CACNA1A: variants seen among roughly 807,000 people sequenced by gnomAD.
The protein encoded by CACNA1A is calcium voltage-gated channel subunit alpha1 A.
Under a neutral mutation model 262.4 loss-of-function variants are expected in CACNA1A, and 57 were observed. That is an observed-to-expected ratio of 0.22 (90% CI 0.18 to 0.27). CACNA1A has a LOEUF of 0.27. Ranked by LOEUF, CACNA1A falls within the 10% of genes least tolerant of loss-of-function variation. The probability of loss-of-function intolerance (pLI) is 1.00; values close to 1 mark genes in which losing one functional copy is unlikely to be tolerated. For missense variants in CACNA1A, 2,526 were observed against 3,562.8 expected, an observed-to-expected ratio of 0.71 and a Z score of 7.41; for synonymous variants, 1,431 against 1,419.3, an observed-to-expected ratio of 1.01 and a Z score of -0.18.
intron 3 of CACNA1A, among the ~76,000 whole-genome samples, chr19:13,383,104 T>G (rs1470332731): frequency 6.6e-6 from 1 of 152,178 alleles, no homozygotes; most frequent in Non-Finnish European, 1.5e-5. Flanking sequence ...CGGAGTGATG[T>G]TCATTCATTT....
chr19:13,433,330 G>A (rs146464460), intron 3 of CACNA1A, among the ~76,000 whole-genome samples: 4 of 150,856 alleles, frequency 2.7e-5, no homozygotes, highest in Non-Finnish European at 5.9e-5. Context: ...GCATCATGGC[G>A]TGTGCCCATA....
intron 19 of CACNA1A, among the ~76,000 whole-genome samples, chr19:13,296,917 ATC>A (rs951117150): frequency 7.3e-5 from 11 of 150,928 alleles, no homozygotes; most frequent in Non-Finnish European, 1.6e-4. Context: ...ATGCCACCAC[ATC>A]TGTTTAATTT....
intron 1 of CACNA1A, 86 bp downstream of exon 1, chr19:13,505,846 C>T: frequency 1.4e-6 from 2 of 1,414,002 alleles, no homozygotes; most frequent in Non-Finnish European, 2.0e-6. Context: ...CCATCAACCC[C>T]CGGGTCTCTC....
At chr19:13,364,826 A>C (rs1260677137) in intron 5 of CACNA1A, 4 of 152,344 alleles carry the variant, frequency 2.6e-5, no homozygotes, top group African/African-American at 7.2e-5. Flanking sequence ...TTTTTAGTAC[A>C]GATGGGGTTT....
chr19:13,463,047 C>A (rs1411264727), intron 1 of CACNA1A, among the ~76,000 whole-genome samples: 3 of 151,948 alleles, frequency 2.0e-5, no homozygotes, highest in African/African-American at 7.3e-5. Flanking sequence ...AGGTATGAGC[C>A]ACTGTGCCCA....
Position 13,286,702 on chromosome 19 carries a change from G to C in CACNA1A, c.3354C>G (p.Asn1118Lys). The C allele has an allele frequency of 6.3e-7, 1 of 1,586,858 alleles. No homozygotes were observed. Among genetic ancestry groups the C allele is most frequent in the Non-Finnish European group, 8.6e-7 (1 of 1,165,550 alleles). Residue 1118 changes from asparagine (N) to lysine (K), a missense_variant, in exon 20 of 47, where the codon AAC becomes AAG. Transcript: ENST00000360228. ...TGTTGGGCGTCCGGCGGCTGGCGGC[G>C]TTCTGGGGGTTGGTGGCCATGGCAG... ...AIPAMATNPQ[N>K]AASRRTPNNP...
rs917821478 is a variant in CACNA1A at position 13,212,853 on chromosome 19, C to T, written c.5941-113G>A. 5.4e-6 allele frequency: 3 copies of T among 559,778 alleles called. No individual in the cohort carries two copies. The highest frequency in any genetic ancestry group is 1.9e-5 in the African/African-American group (1 of 53,122). 34.7% of individuals were successfully genotyped at this position (559,778 alleles called of 1,614,324 possible). A position where few individuals can be genotyped will look rare whatever the true frequency, so the allele number is the denominator to read the frequency against. ...ACACACACACACACACACACACTCT[C>T]TCAGGTCTCATCCATCTAGACCCTT... On this transcript the variant is annotated intron_variant, in intron 40 of 46. Transcript: ENST00000360228. The surrounding 1 kb of genome is among the most constrained non-coding windows in gnomAD (Gnocchi z 5.6).
intron 3 of CACNA1A, among the ~76,000 whole-genome samples, chr19:13,431,820 A>C (rs1415854865): frequency 1.3e-5 from 2 of 152,126 alleles, no homozygotes; most frequent in African/African-American, 4.8e-5. Context: ...TGTGAGCTCT[A>C]AAAAATTTGA....
intron 1 of CACNA1A, among the ~76,000 whole-genome samples, chr19:13,466,151 T>C (rs1171860245): frequency 6.6e-6 from 1 of 152,146 alleles, no homozygotes; most frequent in African/African-American, 2.4e-5. Flanking sequence ...TTTAAAATGG[T>C]TAATTTTCTG....
At chr19:13,387,793 A>C (rs2059641309) in intron 3 of CACNA1A, among the ~76,000 whole-genome samples, 1 of 152,190 alleles carries the variant, frequency 6.6e-6, no homozygotes, top group South Asian at 2.1e-4. Flanking sequence ...CAAGAGTTTG[A>C]GGCTGCAGTG....
At chr19:13,330,144 A>G in intron 10 of CACNA1A, 100 bp downstream of exon 10, 2 of 785,664 alleles carry the variant, frequency 2.5e-6, no homozygotes, top group Non-Finnish European at 2.1e-6. Context: ...TGAGACCCAA[A>G]TCCAGGCAGC....
At chr19:13,281,509 T>C (rs948873361) in intron 22 of CACNA1A, among the ~76,000 whole-genome samples, 1 of 150,752 alleles carries the variant, frequency 6.6e-6, no homozygotes, top group Non-Finnish European at 1.5e-5. Flanking sequence ...GACATTTGGG[T>C]CTGGATCATC....
intron 22 of CACNA1A, among the ~76,000 whole-genome samples, chr19:13,279,541 A>G (rs1297139451): frequency 2.6e-5 from 4 of 152,150 alleles, no homozygotes; most frequent in Non-Finnish European, 5.9e-5. Context: ...GCTGGAGTGC[A>G]GTGGCACAAT....
intron 17 of CACNA1A, among the ~76,000 whole-genome samples, chr19:13,302,793 C>T (rs934634307): frequency 2.0e-5 from 3 of 152,182 alleles, no homozygotes; most frequent in Non-Finnish European, 4.4e-5. Flanking sequence ...GAGCTGGGGC[C>T]GGGAAACTCT....
intron 6 of CACNA1A, among the ~76,000 whole-genome samples, chr19:13,336,594 G>GAGAGAGAGGGAGAGAGA (rs2058572370): frequency 1.5e-5 from 1 of 65,494 alleles, no homozygotes. Flanking sequence ...AGAGAGAGAG[G>GAGAGAGAGGGAGAGAGA]GAGAGAGAGA....
At chr19:13,490,910 A>C (rs1980788347) in intron 1 of CACNA1A, among the ~76,000 whole-genome samples, 1 of 136,344 alleles carries the variant, frequency 7.3e-6, no homozygotes, top group South Asian at 2.9e-4. Flanking sequence ...GGAAGGAAGA[A>C]GGAAGGGAGG....
intron 3 of CACNA1A, among the ~76,000 whole-genome samples, chr19:13,442,129 G>A (rs12610549): frequency 0.037 from 5,615 of 152,212 alleles, 139 homozygotes; most frequent in South Asian, 0.12. Flanking sequence ...AGTTAGCGCC[G>A]AGTAGACCCC....
rs947215058 is a variant in CACNA1A, at chr19:13,241,089, C to T, written c.4950+4093G>A. 6.6e-6 allele frequency among the ~76,000 whole-genome samples: 1 copy of T among 151,928 alleles called. No individual in the cohort carries two copies. On this transcript the variant is annotated intron_variant, in intron 31 of 46. Coordinates refer to ENST00000360228, the MANE Select transcript of CACNA1A (RefSeq NM_001127222.2). The surrounding 1 kb of genome is among the most constrained non-coding windows in gnomAD (Gnocchi z 4.0). ...AGCAGGATGGAGAGAGCTGGAGGGG[C>T]GAGGAGACAGTTGGCAGCTTTCCTG...
chr19:13,483,584 C>A (rs930017757), intron 1 of CACNA1A, among the ~76,000 whole-genome samples: 4 of 152,116 alleles, frequency 2.6e-5, no homozygotes, highest in Non-Finnish European at 4.4e-5. Flanking sequence ...GGGAAGATAG[C>A]TGAAAAAGAG....
Sources: allele counts gnomAD v4.1 joint callset (sites outside exome capture counted in the v4.1 genomes callset), GRCh38; gene constraint gnomAD v4.1.1; non-coding constraint Gnocchi (gnomAD v3.1); transcripts MANE v1.5; gene names NCBI Gene and HGNC (gene_info 2026-07-23, HGNC 2026-07-21).